The following GRIK5 variants were observed in gnomAD, a reference collection of about 807,000 sequenced individuals.
The protein encoded by GRIK5 is glutamate receptor ionotropic, kainate 5.
A neutral mutation model predicts 97.4 loss-of-function variants in GRIK5; 43 were observed. The observed-to-expected ratio is 0.44, with a 90% CI of 0.35 to 0.57. The LOEUF (loss-of-function observed/expected upper bound fraction) is 0.57, where lower values mean the gene tolerates loss of function less well. Among genes scored for constraint, GRIK5 ranks in the 20% least tolerant of loss-of-function variants. The probability of loss-of-function intolerance (pLI) is 0.01; values close to 1 mark genes in which losing one functional copy is unlikely to be tolerated. For missense variants in GRIK5, 1,015 were observed against 1,382.0 expected (o/e 0.73, Z 4.21); for synonymous variants, 580 against 583.5 (o/e 0.99, Z 0.09).
At chr19:42,061,038 CTTTA>C (rs371664494) in intron 5 of GRIK5, among the ~76,000 whole-genome samples, 268 of 152,206 alleles carry the variant, frequency 1.8e-3, no homozygotes, top group African/African-American at 5.8e-3. Flanking sequence ...TAATAAATAC[CTTTA>C]TTTATTTATT....
At chr19:42,057,079 G>A (rs1599840990) in intron 6 of GRIK5, 101 bp from the exon 7 acceptor site, 2 of 851,206 alleles carry the variant, frequency 2.3e-6, no homozygotes, top group African/African-American at 3.4e-5. Context: ...AGACAGCCCT[G>A]GTGAGAAGAC....
At chr19:42,048,384 G>T (rs1393961187) in intron 11 of GRIK5, among the ~76,000 whole-genome samples, 2 of 152,172 alleles carry the variant, frequency 1.3e-5, no homozygotes, top group Admixed American at 1.3e-4. Context: ...CACTTTGGGA[G>T]GCCGAGGTGG....
In GRIK5 at chr19:42,053,860, G is replaced by A. The variant is rs370524112; in HGVS notation, c.1126C>T (p.Arg376Cys). Residue 376 changes from arginine to cysteine, a missense_variant, in exon 10 of 20, where the codon CGC becomes TGC. Physicochemically the swap from Arg to Cys is radical, Grantham distance 180. Around this residue, in one of 5 missense-constraint regions of GRIK5, gnomAD observed 477 missense variants for 701.1 expected, o/e 0.68. Transcript: ENST00000593562. ...SKGQRTNYTL[R>C]ILEKSRQGHR... ...CCCTGCCGGGACTTTTCTAGGATGCGCAGGGTGTAGTTGGTTCTCTGCCCT... is the reference window on the plus strand; with the variant it reads ...CCCTGCCGGGACTTTTCTAGGATGCACAGGGTGTAGTTGGTTCTCTGCCCT... 1.1e-5 allele frequency: 18 copies of A among 1,613,824 alleles called. No homozygotes were observed. The highest frequency in any genetic ancestry group is 1.4e-5 in the Non-Finnish European group (17 of 1,179,704).
At chr19:42,013,040 A>G (rs1409602904) in intron 15 of GRIK5, among the ~76,000 whole-genome samples, 1 of 152,096 alleles carries the variant, frequency 6.6e-6, no homozygotes, top group Non-Finnish European at 1.5e-5. Flanking sequence ...AACAAAGACC[A>G]TATGATCAAC....
chr19:42,065,617 C>A lies in GRIK5; in HGVS notation c.79+75G>T, dbSNP rs572885518. 10 of 1,275,826 alleles carry A rather than the reference C, an allele frequency of 7.8e-6. No homozygotes were observed. The highest frequency in any genetic ancestry group is 5.1e-5 in the East Asian group (2 of 39,482). The allele number at this position is 1,275,826 out of a possible 1,614,324, so 79.0% of individuals were successfully genotyped here. Reference sequence around the variant, plus strand: ...AAGAGAGCTGAGACCTGGACCCTGACGGACTGGCATGCCTGGGTCCCCAGA... The same window carrying A: ...AAGAGAGCTGAGACCTGGACCCTGAAGGACTGGCATGCCTGGGTCCCCAGA... On this transcript the variant is annotated intron_variant, in intron 2 of 19. Transcript: ENST00000593562. The surrounding 1 kb of genome is among the most constrained non-coding windows in gnomAD (Gnocchi z 5.8).
rs1042295802 is a variant in GRIK5 at position 42,022,450 on chromosome 19, G to T, written c.1474-96C>A. ...AATGCACGGAGAGTGAGCAACTGAG[G>T]GAGGCGAGAGAGAGAGAGGTAGGGA... On this transcript the variant is annotated intron_variant, in intron 12 of 19. Coordinates refer to ENST00000593562, the MANE Select transcript of GRIK5 (RefSeq NM_002088.5). The surrounding 1 kb of genome is among the most constrained non-coding windows in gnomAD (Gnocchi z 4.2). The T allele has an allele frequency of 1.4e-5, 21 of 1,487,666 alleles. No homozygotes were observed. In the African/African-American group the frequency reaches 2.6e-4, roughly 19 times the overall value. 92.2% of individuals were successfully genotyped at this position (1,487,666 alleles called of 1,614,324 possible).
At chr19:42,049,895 T>C (rs1308593955) in intron 11 of GRIK5, among the ~76,000 whole-genome samples, 1 of 152,140 alleles carries the variant, frequency 6.6e-6, no homozygotes, top group Non-Finnish European at 1.5e-5. Flanking sequence ...ACTGATCTAG[T>C]CCAACCTCCT....
chr19:42,053,244 G>C (rs2076139285), intron 11 of GRIK5, among the ~76,000 whole-genome samples: 2 of 152,172 alleles, frequency 1.3e-5, no homozygotes, highest in African/African-American at 4.8e-5. Flanking sequence ...TCCCCTCTCT[G>C]AGCCTCAGTT....
intron 12 of GRIK5, among the ~76,000 whole-genome samples, chr19:42,029,155 C>T (rs1161234737): frequency 2.0e-5 from 3 of 152,082 alleles, no homozygotes; most frequent in African/African-American, 7.2e-5. Context: ...GCAACCTCCG[C>T]CTCCTGGGTT....
chr19:42,058,065 C>T (rs2076210779), intron 6 of GRIK5, among the ~76,000 whole-genome samples: 1 of 152,212 alleles, frequency 6.6e-6, no homozygotes, highest in African/African-American at 2.4e-5. Context: ...CCAGCCCAGG[C>T]CTGCCTGGCT....
chr19:42,054,416 C>T lies in GRIK5; in HGVS notation c.960G>A (p.Glu320=). Residue 320 remains glutamate, a synonymous_variant, in exon 9 of 20, where the codon GAG becomes GAA. Coordinates refer to ENST00000593562, the MANE Select transcript of GRIK5 (RefSeq NM_002088.5). ...AVHVVVSAVR[E]LNRSQEIGVK... ...CACCGATCTCCTGGCTGCGGTTCAG[C>T]TCTCGGACAGCGCTCACCACCACGT... 6.2e-7 allele frequency: 1 copy of T among 1,613,742 alleles called. No individual in the cohort carries two copies. Among genetic ancestry groups the T allele is most frequent in the Non-Finnish European group, 8.5e-7 (1 of 1,180,026 alleles).
intron 1 of GRIK5, among the ~76,000 whole-genome samples, chr19:42,067,133 A>T (rs2146193153): frequency 6.6e-6 from 1 of 152,300 alleles, no homozygotes; most frequent in East Asian, 1.9e-4. Context: ...TTGGGTTTCC[A>T]TGGAGTAGGG....
intron 1 of GRIK5, chr19:42,068,789 T>C (rs763352400): frequency 3.5e-6 from 2 of 567,260 alleles, no homozygotes; most frequent in African/African-American, 1.9e-5. Context: ...ACACAGGAAA[T>C]GGGGGCTCAA....
intron 17 of GRIK5, 98 bp downstream of exon 17, chr19:42,005,625 A>T: frequency 1.3e-6 from 1 of 786,278 alleles, no homozygotes; most frequent in South Asian, 1.6e-5. Flanking sequence ...CAACACACCC[A>T]GCCTGCCTCG....
At chr19:42,036,045 C>CTTTA (rs1019913691) in intron 12 of GRIK5, among the ~76,000 whole-genome samples, 17 of 151,876 alleles carry the variant, frequency 1.1e-4, no homozygotes, top group Admixed American at 2.0e-4. Flanking sequence ...ATGAAATGGA[C>CTTTA]TTTATTTATT....
intron 11 of GRIK5, among the ~76,000 whole-genome samples, chr19:42,045,809 C>A (rs1181395173): frequency 6.6e-6 from 1 of 152,176 alleles, no homozygotes; most frequent in Admixed American, 6.6e-5. Context: ...AGTATTATTA[C>A]GTCTCTTTTA....
rs1022535186 is a variant in GRIK5 at position 42,003,867 on chromosome 19, T to G, written c.2264-184A>C. On this transcript the variant is annotated intron_variant, in intron 17 of 19. Coordinates refer to ENST00000593562, the MANE Select transcript of GRIK5 (RefSeq NM_002088.5). This position sits in a 1 kb window ranked among gnomAD's most constrained non-coding sequence, Gnocchi z 4.2. Reference sequence around the variant, plus strand: ...AACACAGCAGCCAGAGAGACAGTGTTAGGAAGAGTCAGAGGCCATACCTTT... The same window carrying G: ...AACACAGCAGCCAGAGAGACAGTGTGAGGAAGAGTCAGAGGCCATACCTTT... The G allele has an allele frequency of 5.7e-5, 35 of 609,104 alleles. No homozygotes were observed. In the African/African-American group the frequency reaches 5.8e-4, roughly 10 times the overall value. The allele number at this position is 609,104 out of a possible 1,614,324, so 37.7% of individuals were successfully genotyped here. A position where few individuals can be genotyped will look rare whatever the true frequency, so the allele number is the denominator to read the frequency against.
chr19:42,065,720 G>A lies in GRIK5; in HGVS notation c.51C>T (p.Ser17=). 2 of 1,596,626 alleles carry A rather than the reference G, an allele frequency of 1.3e-6. No individual in the cohort carries two copies. Among genetic ancestry groups the A allele is most frequent in the Non-Finnish European group, 1.7e-6 (2 of 1,173,142 alleles). ...LLLIVAFASP[S]CQVLSSLRMA... ...TGCGCAGTGATGAGAGCACCTGGCAGCTGGGGCTGGCGAAGGCAACAATCA... is the reference window on the plus strand; with the variant it reads ...TGCGCAGTGATGAGAGCACCTGGCAACTGGGGCTGGCGAAGGCAACAATCA... Residue 17 remains serine (S), a synonymous_variant, in exon 2 of 20, where the codon AGC becomes AGT. Transcript: ENST00000593562. This position sits in a 1 kb window ranked among gnomAD's most constrained non-coding sequence, Gnocchi z 5.8.
At chr19:42,031,570 C>T (rs2075841513) in intron 12 of GRIK5, among the ~76,000 whole-genome samples, 1 of 152,176 alleles carries the variant, frequency 6.6e-6, no homozygotes, top group South Asian at 2.1e-4. Context: ...ATAAGTCCCA[C>T]TGTGTGGTCT....
Sources: gnomAD v4.1 joint callset for allele counts (sites outside exome capture counted in the v4.1 genomes callset) on GRCh38, gnomAD v4.1.1 for gene constraint, gnomAD v4.1.1 regional missense constraint, Gnocchi (gnomAD v3.1) non-coding constraint, MANE v1.5 for transcripts, NCBI Gene and HGNC (gene_info 2026-07-23, HGNC 2026-07-21) for gene names.